Variants in DTWD2 observed in about 807,000 individuals in gnomAD.
The protein encoded by DTWD2 is DTW motif tRNA-uridine aminocarboxypropyltransferase 2, also known as tRNA-uridine aminocarboxypropyltransferase 2.
A neutral mutation model predicts 31.8 loss-of-function variants in DTWD2; 39 were observed. That is an observed-to-expected ratio of 1.22 (90% CI 0.95 to 1.60). The LOEUF (loss-of-function observed/expected upper bound fraction) is 1.60, where lower values mean the gene tolerates loss of function less well. DTWD2 is among the 40% of genes most tolerant of loss of function. DTWD2 has a pLI of 0.00. For missense variants in DTWD2, 515 were observed against 381.5 expected (o/e 1.35, Z -2.92); for synonymous variants, 180 against 142.8 (o/e 1.26, Z -1.86).
intron 5 of DTWD2, among the ~76,000 whole-genome samples, chr5:118,841,390 C>G (rs1724882331): frequency 6.6e-6 from 1 of 152,064 alleles, no homozygotes; most frequent in African/African-American, 2.4e-5. Flanking sequence ...AAAATTGTTG[C>G]CATTATAATT....
In DTWD2 at chr5:118,845,513, A is replaced by G. The variant is rs974013625; in HGVS notation, c.726+2577T>C. ...TTTTTGCCATCTGTAATAATAAGCAACTTGAGATGTTTTATTATGTATTTC... is the reference window on the plus strand; with the variant it reads ...TTTTTGCCATCTGTAATAATAAGCAGCTTGAGATGTTTTATTATGTATTTC... On this transcript the variant is annotated intron_variant, in intron 5 of 5. Coordinates refer to ENST00000510708, the MANE Select transcript of DTWD2 (RefSeq NM_173666.4). Among the ~76,000 whole-genome samples, 3 of 152,222 alleles carry G rather than the reference A, an allele frequency of 2.0e-5. 1 individual carries two copies. The East Asian group carries it at 5.8e-4, about 29-fold the overall frequency.
intron 4 of DTWD2, among the ~76,000 whole-genome samples, chr5:118,913,400 G>A (rs1325835279): frequency 2.2e-5 from 3 of 136,164 alleles, no homozygotes; most frequent in Admixed American, 7.9e-5. Context: ...TATATATATA[G>A]ATATATATAG....
intron 4 of DTWD2, among the ~76,000 whole-genome samples, chr5:118,896,590 C>T (rs941306569): frequency 6.6e-6 from 1 of 152,066 alleles, no homozygotes; most frequent in African/African-American, 2.4e-5. Flanking sequence ...AAAATAAATT[C>T]CTTAACACTT....
intron 5 of DTWD2, among the ~76,000 whole-genome samples, chr5:118,841,516 T>TA (rs1385804173): frequency 6.6e-6 from 1 of 152,190 alleles, no homozygotes; most frequent in Non-Finnish European, 1.5e-5. Flanking sequence ...TGACAACAAT[T>TA]AGATGATGGC....
At chr5:118,864,512 C>G (rs1752340348) in intron 4 of DTWD2, among the ~76,000 whole-genome samples, 1 of 148,662 alleles carries the variant, frequency 6.7e-6, no homozygotes. Context: ...GCACATGTAC[C>G]CTAAAACTTA....
chr5:118,945,157 C>T (rs1387992123), intron 1 of DTWD2, among the ~76,000 whole-genome samples: 3 of 152,164 alleles, frequency 2.0e-5, no homozygotes, highest in Non-Finnish European at 2.9e-5. Flanking sequence ...AAATAGACGC[C>T]ACCAAATTAT....
At chr5:118,976,909 C>A (rs1755175256) in intron 1 of DTWD2, among the ~76,000 whole-genome samples, 3 of 152,176 alleles carry the variant, frequency 2.0e-5, no homozygotes, top group Admixed American at 2.0e-4. Context: ...GGCCAATATC[C>A]CTGATGAACA....
At chr5:118,906,080 A>C (rs917837371) in intron 4 of DTWD2, among the ~76,000 whole-genome samples, 10 of 152,204 alleles carry the variant, frequency 6.6e-5, no homozygotes, top group African/African-American at 2.4e-4. Context: ...ATGACAAATA[A>C]GCACATGAAA....
chr5:118,899,878 T>G (rs1753167364), intron 4 of DTWD2, among the ~76,000 whole-genome samples: 1 of 148,510 alleles, frequency 6.7e-6, no homozygotes, highest in Non-Finnish European at 1.5e-5. Context: ...CTCGGCTCAC[T>G]GCAACCTCCG....
chr5:118,905,140 C>T (rs1447178658), intron 4 of DTWD2, among the ~76,000 whole-genome samples: 2 of 152,036 alleles, frequency 1.3e-5, no homozygotes, highest in Non-Finnish European at 2.9e-5. Context: ...TAAGTATAAG[C>T]ATATGTTTTA....
intron 4 of DTWD2, among the ~76,000 whole-genome samples, chr5:118,891,215 T>G (rs1025477506): frequency 2.6e-5 from 4 of 152,144 alleles, no homozygotes; most frequent in African/African-American, 9.7e-5. Flanking sequence ...AAAAAAAATT[T>G]CATTATTAGT....
intron 5 of DTWD2, 57 bp downstream of exon 5, chr5:118,848,033 T>C: frequency 7.0e-7 from 1 of 1,427,216 alleles, no homozygotes; most frequent in Non-Finnish European, 9.2e-7. Flanking sequence ...CTAAATCTTC[T>C]AGGTAAAATC....
intron 4 of DTWD2, among the ~76,000 whole-genome samples, chr5:118,928,326 G>T (rs1187139217): frequency 6.6e-6 from 1 of 151,666 alleles, no homozygotes; most frequent in African/African-American, 2.4e-5. Flanking sequence ...GAGAAGAAAT[G>T]ACAAATTTGA....
intron 5 of DTWD2, among the ~76,000 whole-genome samples, chr5:118,842,758 C>A (rs1444396088): frequency 2.1e-5 from 3 of 143,976 alleles, no homozygotes; most frequent in South Asian, 4.4e-4. Flanking sequence ...CATGGCAAGA[C>A]CCTGTTTCTA....
At chr5:118,894,474 G>C (rs1040490069) in intron 4 of DTWD2, among the ~76,000 whole-genome samples, 1 of 152,124 alleles carries the variant, frequency 6.6e-6, no homozygotes, top group African/African-American at 2.4e-5. Flanking sequence ...AATAATCATA[G>C]CAGTGTGGTA....
At chr5:118,949,594 A>G (rs1754413480) in intron 1 of DTWD2, among the ~76,000 whole-genome samples, 1 of 152,234 alleles carries the variant, frequency 6.6e-6, no homozygotes, top group Admixed American at 6.5e-5. Context: ...CAAGTGAGTG[A>G]TAACAGGCTT....
intron 4 of DTWD2, among the ~76,000 whole-genome samples, chr5:118,863,928 C>T (rs905015828): frequency 6.6e-5 from 10 of 151,832 alleles, no homozygotes; most frequent in Non-Finnish European, 1.3e-4. Flanking sequence ...AGCCAAGGAT[C>T]TTACCCTTAC....
At chr5:118,957,905 T>C (rs959282845) in intron 1 of DTWD2, among the ~76,000 whole-genome samples, 1 of 152,326 alleles carries the variant, frequency 6.6e-6, no homozygotes, top group Non-Finnish European at 1.5e-5. Flanking sequence ...ATCTCACCAA[T>C]ACTTCTTCCT....
At chr5:118,984,441 A>G (rs993786255) in intron 1 of DTWD2, among the ~76,000 whole-genome samples, 1 of 151,668 alleles carries the variant, frequency 6.6e-6, no homozygotes, top group Non-Finnish European at 1.5e-5. Context: ...AGCCTGGGTG[A>G]CAGAGCAAGA....
Sources: gnomAD v4.1 joint callset for allele counts (sites outside exome capture counted in the v4.1 genomes callset) on GRCh38, gnomAD v4.1.1 for gene constraint, MANE v1.5 for transcripts, NCBI Gene and HGNC (gene_info 2026-07-23, HGNC 2026-07-21) for gene names.